The following ZNF609 variants were observed in gnomAD, a reference collection of about 807,000 sequenced individuals.
ZNF609 encodes zinc finger protein 609.
ZNF609 carries 11 observed loss-of-function variants against 109.5 expected under a neutral mutation model. The observed-to-expected ratio is 0.10, with a 90% CI of 0.06 to 0.17. The LOEUF is 0.17. ZNF609 is among the 10% of genes least tolerant of loss of function. The pLI is 1.00. For synonymous variants in ZNF609, 646 were observed against 662.0 expected, an observed-to-expected ratio of 0.98 and a Z score of 0.37; for missense variants, 1,559 against 1,772.4, an observed-to-expected ratio of 0.88 and a Z score of 2.16.
intron 2 of ZNF609, among the ~76,000 whole-genome samples, chr15:64,574,103 G>C (rs1297882631): frequency 4.6e-5 from 7 of 151,442 alleles, no homozygotes; most frequent in African/African-American, 1.7e-4. Context: ...TGTTCACTGA[G>C]GGGCTAACAG....
intron 3 of ZNF609, among the ~76,000 whole-genome samples, chr15:64,630,832 T>C (rs1896062336): frequency 6.6e-6 from 1 of 152,220 alleles, no homozygotes; most frequent in Non-Finnish European, 1.5e-5. Context: ...ATTTCTTCCA[T>C]GATGATTTAG....
rs150704033 is a variant in ZNF609 at position 64,538,928 on chromosome 15, G to A, written c.747+38762G>A. Among the ~76,000 whole-genome samples the A allele has an allele frequency of 5.4e-4, 82 of 152,178 alleles. No individual in the cohort carries two copies. The East Asian group carries it at 0.012, about 23-fold the overall frequency. On this transcript the variant is annotated intron_variant, in intron 2 of 9. Transcript: ENST00000326648. ...TAGTTCACTGCAGCCTGGAATTCCT[G>A]GGCTCACGCAATCGTCCCGCTTCAG...
At chr15:64,597,858 T>TC (rs977535692) in intron 2 of ZNF609, among the ~76,000 whole-genome samples, 2 of 152,100 alleles carry the variant, frequency 1.3e-5, no homozygotes, top group African/African-American at 4.8e-5. Context: ...CCCTTCTGCC[T>TC]CCCCCATCTA....
intron 2 of ZNF609, among the ~76,000 whole-genome samples, chr15:64,582,160 G>C (rs965314229): frequency 6.6e-6 from 1 of 152,162 alleles, no homozygotes; most frequent in African/African-American, 2.4e-5. Flanking sequence ...TGTAAATAAA[G>C]TTTGTTTAAA....
At chr15:64,609,918 C>T (rs1413339863) in intron 2 of ZNF609, among the ~76,000 whole-genome samples, 1 of 151,794 alleles carries the variant, frequency 6.6e-6, no homozygotes, top group Non-Finnish European at 1.5e-5. Flanking sequence ...GTCCCAGCTG[C>T]TCGGGAGGCT....
chr15:64,567,472 ACT>A (rs1894794946), intron 2 of ZNF609, among the ~76,000 whole-genome samples: 1 of 151,114 alleles, frequency 6.6e-6, no homozygotes, highest in African/African-American at 2.4e-5. Context: ...ACAGAGCAAG[ACT>A]CTGTCTCAAA....
At position 64,673,880 on chromosome 15, in the gene ZNF609, C is replaced by T. The variant is rs754799630; in HGVS notation, c.1062-36C>T. The T allele has an allele frequency of 7.0e-6, 11 of 1,572,816 alleles. No individual in the cohort carries two copies. In the South Asian group the frequency reaches 1.3e-4, roughly 19 times the overall value. Reference sequence around the variant, plus strand: ...AACTGCTTTGAAGATGTTTTCTCTTCTTAATAATATTCTGTTGTGTTTATC... The same window carrying T: ...AACTGCTTTGAAGATGTTTTCTCTTTTTAATAATATTCTGTTGTGTTTATC... On this transcript the variant is annotated intron_variant, in intron 4 of 9. Transcript: ENST00000326648.
chr15:64,576,663 G>C (rs1894957644), intron 2 of ZNF609, among the ~76,000 whole-genome samples: 2 of 151,546 alleles, frequency 1.3e-5, no homozygotes, highest in Admixed American at 6.6e-5. Flanking sequence ...ATGGAGCCAG[G>C]CGTGGTGGCT....
At chr15:64,586,753 A>G (rs1895205829) in intron 2 of ZNF609, among the ~76,000 whole-genome samples, 1 of 152,128 alleles carries the variant, frequency 6.6e-6, no homozygotes, top group Non-Finnish European at 1.5e-5. Flanking sequence ...TAGAATGATG[A>G]TTATTACAGT....
intron 2 of ZNF609, among the ~76,000 whole-genome samples, chr15:64,600,045 A>C (rs1464461813): frequency 1.3e-5 from 2 of 152,170 alleles, no homozygotes; most frequent in East Asian, 3.8e-4. Flanking sequence ...CTTCGTGGCC[A>C]GGCACGGTGG....
Position 64,469,427 on chromosome 15 carries a change from CAAAAAAAAAAAA to C in ZNF609, c.-128+8603_-128+8614del, listed in dbSNP as rs34210041. Among the ~76,000 whole-genome samples, 30 of 73,576 alleles carry C rather than the reference CAAAAAAAAAAAA, an allele frequency of 4.1e-4. 1 individual carries two copies. In the East Asian group the frequency reaches 0.011, roughly 26 times the overall value. 48.3% of individuals were successfully genotyped at this position (73,576 alleles called of 152,430 possible). The stretch of plus-strand genomic sequence containing the variant: ...CTCGCACAGAGCAAGACCCTATTTC[CAAAAAAAAAAAA>C]AAAAAAAAAAAAAGATTATGGTGGA... On this transcript the variant is annotated intron_variant, in intron 1 of 9. Transcript: ENST00000326648.
chr15:64,586,453 G>A (rs1048907275), intron 2 of ZNF609, among the ~76,000 whole-genome samples: 12 of 152,182 alleles, frequency 7.9e-5, no homozygotes, highest in Non-Finnish European at 1.5e-4. Flanking sequence ...ACAGCAGGAG[G>A]TGAGCAGTGG....
chr15:64,569,686 A>G (rs1894830816), intron 2 of ZNF609, among the ~76,000 whole-genome samples: 1 of 152,378 alleles, frequency 6.6e-6, no homozygotes. Flanking sequence ...CAATAGTTTT[A>G]TCATCTTGTC....
Position 64,674,910 on chromosome 15 carries a change from G to T in ZNF609, c.2056G>T (p.Gly686Cys). The T allele has an allele frequency of 3.1e-6, 5 of 1,614,022 alleles. No homozygotes were observed. The highest frequency in any genetic ancestry group is 4.2e-6 in the Non-Finnish European group (5 of 1,180,036). Residue 686 changes from glycine (G) to cysteine (C), a missense_variant, in exon 5 of 10, where the codon GGC (glycine) becomes TGC (cysteine). Around this residue, in one of 4 missense-constraint regions of ZNF609, gnomAD observed 1,204 missense variants for 1,314.1 expected, o/e 0.92. Coordinates refer to ENST00000326648, the MANE Select transcript of ZNF609 (RefSeq NM_015042.2). ...AGCAGCGAGCCCAGGCTCTTCCTCA[G>T]GCTTGACCGCCACAGTGGCACAAGC... ...FTAASPGSSS[G>C]LTATVAQAMP...
intron 1 of ZNF609, among the ~76,000 whole-genome samples, chr15:64,473,520 C>T (rs1192480519): frequency 6.6e-6 from 1 of 151,500 alleles, no homozygotes; most frequent in African/African-American, 2.4e-5. Context: ...TTTTTTTCGT[C>T]CTCACCACCT....
chr15:64,676,597 A>AT (rs200892845), intron 5 of ZNF609, among the ~76,000 whole-genome samples: 175 of 147,218 alleles, frequency 1.2e-3, no homozygotes, highest in African/African-American at 4.2e-3. Context: ...TGCCCAGCTA[A>AT]TTTTTTTTGT....
At chr15:64,631,080 C>G (rs1896066696) in intron 3 of ZNF609, 4 of 437,344 alleles carry the variant, frequency 9.1e-6, no homozygotes, top group Non-Finnish European at 1.7e-5. Context: ...TTTTTACAGT[C>G]CTGAGGTCTT....
rs1894319880 is a variant in ZNF609 at position 64,544,262 on chromosome 15, C to G, written c.747+44096C>G. 2.0e-5 allele frequency among the ~76,000 whole-genome samples: 3 copies of G among 152,240 alleles called. No individual in the cohort carries two copies. In the South Asian group the frequency reaches 6.2e-4, roughly 32 times the overall value. The stretch of plus-strand genomic sequence containing the variant: ...GGCTGAGGCAGGAGAATCGCTTGAA[C>G]TTGGGAGGCGGAGGTTGCAGTGAGC... On this transcript the variant is annotated intron_variant, in intron 2 of 9. Coordinates refer to ENST00000326648, the MANE Select transcript of ZNF609 (RefSeq NM_015042.2).
At chr15:64,549,814 C>T (rs1263337623) in intron 2 of ZNF609, among the ~76,000 whole-genome samples, 1 of 152,110 alleles carries the variant, frequency 6.6e-6, no homozygotes, top group African/African-American at 2.4e-5. Context: ...GAGATGGGAT[C>T]TCACTCTGTC....
Sources: gnomAD v4.1 joint callset for allele counts (sites outside exome capture counted in the v4.1 genomes callset) on GRCh38, gnomAD v4.1.1 for gene constraint, gnomAD v4.1.1 regional missense constraint, MANE v1.5 for transcripts, NCBI Gene and HGNC (gene_info 2026-07-23, HGNC 2026-07-21) for gene names.